SETD2: variants seen among roughly 807,000 people sequenced by gnomAD.
SETD2 encodes the protein histone-lysine N-methyltransferase SETD2.
In SETD2, 31 loss-of-function variants were observed where a neutral mutation model predicts 242.1. The ratio of observed to expected loss-of-function variants is 0.13; its 90% CI spans 0.10 to 0.17. The LOEUF (loss-of-function observed/expected upper bound fraction) is 0.17, where lower values mean the gene tolerates loss of function less well. SETD2 is among the 10% of genes least tolerant of loss of function. The pLI is 1.00. For missense variants in SETD2, 2,481 were observed against 3,046.3 expected (o/e 0.81, Z 4.37); for synonymous variants, 1,006 against 1,066.5 (o/e 0.94, Z 1.11).
chr3:47,137,584 T>C (rs1478830195), intron 1 of SETD2, among the ~76,000 whole-genome samples: 1 of 152,204 alleles, frequency 6.6e-6, no homozygotes, highest in Non-Finnish European at 1.5e-5. Flanking sequence ...CATACAAGCT[T>C]CTTTAGGACA....
At chr3:47,049,852 T>A (rs954183710) in intron 15 of SETD2, among the ~76,000 whole-genome samples, 18 of 144,600 alleles carry the variant, frequency 1.2e-4, no homozygotes, top group Non-Finnish European at 3.0e-5. Flanking sequence ...TTATATTATA[T>A]ATAATATATA....
chr3:47,072,319 C>T (rs1391661813), intron 12 of SETD2, among the ~76,000 whole-genome samples: 3 of 151,910 alleles, frequency 2.0e-5, no homozygotes, highest in Non-Finnish European at 4.4e-5. Context: ...AAAAAAAGAA[C>T]AAAATAATTT....
At chr3:47,061,323 G>T (rs1356444475) in intron 14 of SETD2, among the ~76,000 whole-genome samples, 1 of 152,098 alleles carries the variant, frequency 6.6e-6, no homozygotes, top group African/African-American at 2.4e-5. Context: ...TAGACCAACA[G>T]AACAGAATAG....
At chr3:47,154,036 C>T (rs1292390636) in intron 1 of SETD2, among the ~76,000 whole-genome samples, 4 of 152,196 alleles carry the variant, frequency 2.6e-5, no homozygotes, top group Non-Finnish European at 4.4e-5. Context: ...GCCTAATATA[C>T]TAACCAGACA....
intron 8 of SETD2, among the ~76,000 whole-genome samples, chr3:47,101,170 CA>C (rs1186755043): frequency 6.6e-6 from 1 of 151,828 alleles, no homozygotes; most frequent in Admixed American, 6.6e-5. Flanking sequence ...TCTTCAGACA[CA>C]AAAAGAGTTG....
At chr3:47,107,084 C>T (rs570587921) in intron 5 of SETD2, among the ~76,000 whole-genome samples, 1 of 152,168 alleles carries the variant, frequency 6.6e-6, no homozygotes, top group South Asian at 2.1e-4. Context: ...AATTATCAGT[C>T]TTTTCCCCTT....
intron 18 of SETD2, among the ~76,000 whole-genome samples, chr3:47,037,378 G>A (rs1331342246): frequency 4.7e-5 from 7 of 148,004 alleles, no homozygotes; most frequent in East Asian, 2.0e-4. Context: ...GAGAACGTGC[G>A]GTGTTTGGTT....
intron 18 of SETD2, among the ~76,000 whole-genome samples, chr3:47,029,736 TA>T (rs2038678971): frequency 6.6e-6 from 1 of 152,240 alleles, no homozygotes; most frequent in African/African-American, 2.4e-5. Flanking sequence ...AGATACTTGA[TA>T]GGGGCTTTAT....
At chr3:47,138,345 C>G in intron 1 of SETD2, 1 of 221,056 alleles carries the variant, frequency 4.5e-6, no homozygotes, top group South Asian at 5.1e-5. Flanking sequence ...TCTCAGCTCA[C>G]TGCAACCTCC....
intron 18 of SETD2, among the ~76,000 whole-genome samples, chr3:47,029,229 T>C (rs1263535948): frequency 6.6e-6 from 1 of 151,888 alleles, no homozygotes; most frequent in East Asian, 1.9e-4. Context: ...TGCCTAATTT[T>C]TTTTTTTGCA....
At chr3:47,041,480 G>T in intron 17 of SETD2, 1 of 240,992 alleles carries the variant, frequency 4.1e-6, no homozygotes, top group South Asian at 3.7e-5. Flanking sequence ...GAAAGACTCT[G>T]TCTCTACAAA....
intron 5 of SETD2, among the ~76,000 whole-genome samples, chr3:47,107,733 G>T (rs865799338): frequency 1.0e-5 from 1 of 96,824 alleles, no homozygotes; most frequent in Non-Finnish European, 2.0e-5. Flanking sequence ...GGGGGGGTGG[G>T]GGGGGGGTGG....
chr3:47,114,876 CA>C (rs764948151), intron 4 of SETD2, among the ~76,000 whole-genome samples: 751 of 55,072 alleles, frequency 0.014, 3 homozygotes, highest in East Asian at 0.052. Context: ...GAGACTGTCT[CA>C]AAAAAAAAAA....
At chr3:47,128,752 T>C (rs997202097) in intron 1 of SETD2, among the ~76,000 whole-genome samples, 3 of 152,232 alleles carry the variant, frequency 2.0e-5, no homozygotes, top group African/African-American at 7.2e-5. Context: ...ACAGGATGCA[T>C]GCTATCAATG....
chr3:47,117,534 T>C (rs1441750376), intron 3 of SETD2, among the ~76,000 whole-genome samples: 1 of 152,120 alleles, frequency 6.6e-6, no homozygotes, highest in Non-Finnish European at 1.5e-5. Flanking sequence ...GATGAGCAAA[T>C]AATAGTTGAG....
chr3:47,086,057 T>TGAGATGAA, intron 11 of SETD2, 138 bp downstream of exon 11: 2 of 890,060 alleles, frequency 2.2e-6, no homozygotes, highest in Non-Finnish European at 3.4e-6. Flanking sequence ...GGAATGATAC[T>TGAGATGAA]GAGATGAAAA....
intron 12 of SETD2, among the ~76,000 whole-genome samples, chr3:47,070,251 T>G (rs1411479678): frequency 6.6e-6 from 1 of 152,214 alleles, no homozygotes; most frequent in Non-Finnish European, 1.5e-5. Context: ...AAATGTATTT[T>G]GATGTTCACA....
intron 13 of SETD2, among the ~76,000 whole-genome samples, chr3:47,062,617 A>G (rs1232334221): frequency 2.0e-5 from 3 of 152,132 alleles, no homozygotes; most frequent in East Asian, 3.8e-4. Context: ...CATTTCTATA[A>G]TAAGTTCTGT....
At chr3:47,019,973 C>A in intron 18 of SETD2, 133 bp from the exon 19 acceptor site, 1 of 725,110 alleles carries the variant, frequency 1.4e-6, no homozygotes, top group Non-Finnish European at 2.4e-6. Context: ...CGTTTAGAGG[C>A]CCTGACTCAG....
Sources: allele counts gnomAD v4.1 joint callset (sites outside exome capture counted in the v4.1 genomes callset), GRCh38; gene constraint gnomAD v4.1.1; transcripts MANE v1.5; gene names NCBI Gene and HGNC (gene_info 2026-07-23, HGNC 2026-07-21).